Variants in HECTD2 observed in about 807,000 individuals in gnomAD.
HECTD2 encodes the protein HECT domain E3 ubiquitin protein ligase 2.
A neutral mutation model predicts 103.2 loss-of-function variants in HECTD2; 35 were observed. The ratio of observed to expected loss-of-function variants is 0.34; its 90% CI spans 0.26 to 0.45. The LOEUF (loss-of-function observed/expected upper bound fraction) is 0.45, where lower values mean the gene tolerates loss of function less well. Ranked by LOEUF, HECTD2 falls within the 20% of genes least tolerant of loss-of-function variation. The pLI, the probability that HECTD2 is intolerant of heterozygous loss-of-function variation, is 1.00. For synonymous variants in HECTD2, 281 were observed against 329.9 expected (o/e 0.85, Z 1.61); for missense variants, 596 against 937.4 (o/e 0.64, Z 4.76).
At position 91,512,609 on chromosome 10, in the gene HECTD2, C is replaced by G. The variant is rs1047090373; in HGVS notation, c.*225C>G. On this transcript the variant is annotated 3_prime_UTR_variant, in exon 21 of 21. Transcript: ENST00000298068. ...TGAGGAAAAGTCCACATGGCAGAGA[C>G]AGGTATGGTCCAGTTCCTCTTTTAT... is the stretch of plus-strand genomic sequence containing the variant. The G allele has an allele frequency of 3.3e-5, 16 of 487,374 alleles. No homozygotes were observed. Among genetic ancestry groups the G allele is most frequent in the Non-Finnish European group, 5.5e-5 (15 of 272,644 alleles). The allele number at this position is 487,374 out of a possible 1,614,324, so 30.2% of individuals were successfully genotyped here.
At chr10:91,497,372 C>T (rs1846717462) in intron 15 of HECTD2, among the ~76,000 whole-genome samples, 1 of 148,782 alleles carries the variant, frequency 6.7e-6, no homozygotes, top group African/African-American at 2.5e-5. Flanking sequence ...CTCACTGCAA[C>T]CTCCACCTCC....
At chr10:91,462,367 A>T (rs1415748707) in intron 5 of HECTD2, 183 bp downstream of exon 5, 2 of 1,117,132 alleles carry the variant, frequency 1.8e-6, no homozygotes, top group Non-Finnish European at 2.3e-6. Context: ...TTAATTATGA[A>T]TTAAGCAGCA....
intron 5 of HECTD2, among the ~76,000 whole-genome samples, chr10:91,473,983 T>C (rs1230938583): frequency 3.3e-5 from 5 of 152,080 alleles, no homozygotes; most frequent in Non-Finnish European, 7.4e-5. Context: ...CTGCATAAAA[T>C]TGATGTCTAA....
intron 5 of HECTD2, chr10:91,463,520 T>G (rs1845428570): frequency 6.6e-6 from 1 of 152,196 alleles, no homozygotes; most frequent in Non-Finnish European, 1.5e-5. Flanking sequence ...GTAAATTAAC[T>G]TGGATTTTCT....
intron 20 of HECTD2, 81 bp downstream of exon 20, chr10:91,501,415 T>C (rs897329126): frequency 2.4e-6 from 2 of 816,640 alleles, no homozygotes; most frequent in East Asian, 5.6e-5. Flanking sequence ...GGAATCAGGA[T>C]GTGTACTCCG....
chr10:91,410,784 A>G (rs1214211657), intron 1 of HECTD2, among the ~76,000 whole-genome samples: 1 of 151,990 alleles, frequency 6.6e-6, no homozygotes, highest in African/African-American at 2.4e-5. Context: ...TACACCTACC[A>G]CCCTCGGGAA....
chr10:91,426,334 TCA>T lies in HECTD2; in HGVS notation c.268+928_268+929del, dbSNP rs1207980344. Among the ~76,000 whole-genome samples, 30 of 151,974 alleles carry T rather than the reference TCA, an allele frequency of 2.0e-4. 2 individuals are homozygous for T. The Admixed American group carries it at 2.0e-3, about 10-fold the overall frequency. On this transcript the variant is annotated intron_variant, in intron 2 of 20. Coordinates refer to ENST00000298068, the MANE Select transcript of HECTD2 (RefSeq NM_182765.6). ...AAACCTTCAAAGGTTTAAATGCCCC[TCA>T]CACCCTAACCAAACAAAACAAACCT...
At chr10:91,454,964 T>C (rs2133174683) in intron 2 of HECTD2, among the ~76,000 whole-genome samples, 1 of 152,274 alleles carries the variant, frequency 6.6e-6, no homozygotes, top group South Asian at 2.1e-4. Flanking sequence ...TAATCCAGTC[T>C]ATCATTGATG....
At chr10:91,426,684 T>A (rs1564700785) in intron 2 of HECTD2, among the ~76,000 whole-genome samples, 1 of 151,930 alleles carries the variant, frequency 6.6e-6, no homozygotes, top group East Asian at 1.9e-4. Context: ...TATACTAATA[T>A]CTTCATCTCT....
chr10:91,486,001 C>T (rs554143223), intron 10 of HECTD2: 4 of 152,224 alleles, frequency 2.6e-5, no homozygotes, highest in South Asian at 2.1e-4. Context: ...TATATCCACA[C>T]TTCTAGTTTG....
intron 4 of HECTD2, 46 bp downstream of exon 4, chr10:91,461,402 A>T: frequency 1.0e-6 from 1 of 958,646 alleles, no homozygotes; most frequent in South Asian, 1.6e-5. Flanking sequence ...TTAGTTTTAA[A>T]TTTTCCAAAA....
chr10:91,452,878 C>G (rs1047981755), intron 2 of HECTD2, among the ~76,000 whole-genome samples: 1 of 151,984 alleles, frequency 6.6e-6, no homozygotes, highest in Admixed American at 6.6e-5. Flanking sequence ...GAAGGGAAAT[C>G]AAGACATTTT....
Position 91,498,902 on chromosome 10 carries a change from T to C in HECTD2, c.1786T>C (p.Ser596Pro). ...VFQEEFGIIK[S>P]YNLKPGGDKI... ...TCAAGAAGAATTTGGAATAATCAAG[T>C]CCTATAATTTAAAGCCCGGTGGTGA... is the stretch of plus-strand genomic sequence containing the variant. The change falls in exon 17 of 21, where the codon TCC (serine) becomes CCC (proline). Residue 596 changes from serine (S) to proline (P), a missense_variant. By Grantham distance (74) the Ser-to-Pro change is moderately conservative (BLOSUM62 -1). Around this residue, in one of 4 missense-constraint regions of HECTD2, gnomAD observed 303 missense variants for 522.5 expected, o/e 0.58. Transcript: ENST00000298068. 6.2e-7 allele frequency: 1 copy of C among 1,604,908 alleles called. No individual in the cohort carries two copies.
chr10:91,500,159 G>C (rs1028874428), intron 18 of HECTD2, among the ~76,000 whole-genome samples: 1 of 152,158 alleles, frequency 6.6e-6, no homozygotes, highest in African/African-American at 2.4e-5. Flanking sequence ...GGTGTTATGG[G>C]ATATTGGAAG....
chr10:91,440,501 A>G (rs1844367084), intron 2 of HECTD2, among the ~76,000 whole-genome samples: 1 of 151,496 alleles, frequency 6.6e-6, no homozygotes, highest in African/African-American at 2.4e-5. Context: ...GAGGATTTTC[A>G]TATCCATGTT....
At chr10:91,410,650 G>GT (rs775063878) in intron 1 of HECTD2, 74 bp downstream of exon 1, 93 of 1,280,524 alleles carry the variant, frequency 7.3e-5, no homozygotes, top group Non-Finnish European at 8.8e-5. Context: ...GGCGAGGGCC[G>GT]TCAGGAGGCC....
At chr10:91,424,507 A>G (rs1385302567) in intron 1 of HECTD2, among the ~76,000 whole-genome samples, 1 of 152,138 alleles carries the variant, frequency 6.6e-6, no homozygotes, top group Non-Finnish European at 1.5e-5. Context: ...AACATAGTAT[A>G]AAAAGATCCC....
chr10:91,507,220 A>C (rs1459544090), intron 20 of HECTD2, among the ~76,000 whole-genome samples: 1 of 151,208 alleles, frequency 6.6e-6, no homozygotes, highest in Admixed American at 6.6e-5. Flanking sequence ...GGCACAAGAC[A>C]GGGATGCCCT....
rs1453198054 is a variant in HECTD2, at chr10:91,513,203, A to C, written c.*819A>C. ...TGATCATTTCTTCTTAAGGCTCAAG[A>C]TATTAGAAAAGAAATCAGACCTAAA... On this transcript the variant is annotated 3_prime_UTR_variant, in exon 21 of 21. Coordinates refer to ENST00000298068, the MANE Select transcript of HECTD2 (RefSeq NM_182765.6). 1 of 152,620 alleles carries C rather than the reference A, an allele frequency of 6.6e-6. No homozygotes were observed. The highest frequency in any genetic ancestry group is 1.9e-4 in the East Asian group (1 of 5,202). 9.5% of individuals were successfully genotyped at this position (152,620 alleles called of 1,614,324 possible).
Sources: allele counts gnomAD v4.1 joint callset (sites outside exome capture counted in the v4.1 genomes callset), GRCh38; gene constraint gnomAD v4.1.1; regional missense constraint gnomAD v4.1.1; transcripts MANE v1.5; gene names NCBI Gene and HGNC (gene_info 2026-07-23, HGNC 2026-07-21).